DGKB: variants seen among roughly 807,000 people sequenced by gnomAD.
DGKB encodes the protein diacylglycerol kinase beta, also known as 90 kDa diacylglycerol kinase.
A neutral mutation model predicts 114.3 loss-of-function variants in DGKB; 67 were observed. The ratio of observed to expected loss-of-function variants is 0.59; its 90% CI spans 0.48 to 0.72. The LOEUF (loss-of-function observed/expected upper bound fraction) is 0.72, where lower values mean the gene tolerates loss of function less well. Among genes scored for constraint, DGKB ranks in the 30% least tolerant of loss-of-function variants. The pLI is 0.00. For synonymous variants in DGKB, 398 were observed against 323.1 expected (o/e 1.23, Z -2.49); for missense variants, 907 against 975.2 (o/e 0.93, Z 0.93).
intron 1 of DGKB, among the ~76,000 whole-genome samples, chr7:14,945,110 C>A (rs143639699): frequency 1.3e-5 from 2 of 151,340 alleles, no homozygotes; most frequent in African/African-American, 4.8e-5. Context: ...ATCAGAAGAA[C>A]GGAAAAATAA....
intron 21 of DGKB, among the ~76,000 whole-genome samples, chr7:14,438,627 A>G (rs1379587963): frequency 1.3e-5 from 2 of 152,142 alleles, no homozygotes; most frequent in Non-Finnish European, 2.9e-5. Flanking sequence ...TCAATGAACT[A>G]CATTTATGAG....
At chr7:14,194,952 T>C (rs1255549683) in intron 23 of DGKB, among the ~76,000 whole-genome samples, 2 of 151,738 alleles carry the variant, frequency 1.3e-5, no homozygotes, top group African/African-American at 2.4e-5. Context: ...TATAGTGTAC[T>C]TGAAAAGTCA....
intron 6 of DGKB, among the ~76,000 whole-genome samples, chr7:14,711,169 A>G (rs1169950999): frequency 6.6e-6 from 1 of 152,134 alleles, no homozygotes; most frequent in Admixed American, 6.5e-5. Flanking sequence ...AATATTTTAA[A>G]TAATTTATTC....
chr7:14,393,108 G>A (rs1821659179), intron 21 of DGKB, among the ~76,000 whole-genome samples: 1 of 150,744 alleles, frequency 6.6e-6, no homozygotes, highest in African/African-American at 2.4e-5. Flanking sequence ...TCCTGCCTCA[G>A]CCTCCCGCGT....
rs566892583 is a variant in DGKB, at chr7:14,549,339, T to C, written c.1770+24873A>G. 3.9e-5 allele frequency among the ~76,000 whole-genome samples: 6 copies of C among 152,288 alleles called. No homozygotes were observed. The East Asian group carries it at 1.2e-3, about 29-fold the overall frequency. On this transcript the variant is annotated intron_variant, in intron 20 of 25. Transcript: ENST00000402815. ...CTGAGAAACCAGTTTGCACTGGTTC[T>C]GCAAATGGTGAAGTGGTAACATAAA... is the stretch of plus-strand genomic sequence containing the variant.
At chr7:14,479,251 A>G (rs770864039) in intron 20 of DGKB, among the ~76,000 whole-genome samples, 7 of 152,184 alleles carry the variant, frequency 4.6e-5, no homozygotes, top group Non-Finnish European at 1.0e-4. Context: ...TCTTGAAAAC[A>G]CTAATCAAGG....
intron 1 of DGKB, among the ~76,000 whole-genome samples, chr7:14,910,835 A>C (rs1385082998): frequency 6.6e-6 from 1 of 152,184 alleles, no homozygotes; most frequent in African/African-American, 2.4e-5. Flanking sequence ...TAGTTGATTA[A>C]TCTATGTTTA....
intron 20 of DGKB, among the ~76,000 whole-genome samples, chr7:14,517,909 C>T (rs1447656083): frequency 5.3e-5 from 8 of 152,082 alleles, no homozygotes; most frequent in African/African-American, 1.9e-4. Flanking sequence ...TTGGCAATTT[C>T]TAAAAGAACT....
intron 21 of DGKB, among the ~76,000 whole-genome samples, chr7:14,419,067 G>C (rs1422785050): frequency 6.6e-6 from 1 of 151,840 alleles, no homozygotes; most frequent in African/African-American, 2.4e-5. Flanking sequence ...AGCAGAGAAA[G>C]GAGAATAATA....
intron 1 of DGKB, among the ~76,000 whole-genome samples, chr7:14,963,071 C>A (rs1432821266): frequency 6.6e-6 from 1 of 152,028 alleles, no homozygotes; most frequent in African/African-American, 2.4e-5. Flanking sequence ...GAAACATTGA[C>A]CAGACAGTTT....
At chr7:14,591,883 A>C (rs1360955293) in intron 17 of DGKB, among the ~76,000 whole-genome samples, 2 of 152,162 alleles carry the variant, frequency 1.3e-5, no homozygotes, top group Middle Eastern at 3.4e-3. Context: ...TTAGGTACAA[A>C]GCACACCAGG....
intron 13 of DGKB, among the ~76,000 whole-genome samples, chr7:14,643,924 C>T (rs1250676177): frequency 2.0e-5 from 3 of 152,150 alleles, no homozygotes; most frequent in Non-Finnish European, 2.9e-5. Flanking sequence ...CACCTTTGCA[C>T]ACCATTTAGG....
Position 14,148,700 on chromosome 7 carries a change from A to G in DGKB, c.*431T>C. ...TACACTGATTCTAAAAGGGAAACGT[A>G]TAGCAATCTGCAATTATGATCATTG... On this transcript the variant is annotated 3_prime_UTR_variant, in exon 26 of 26. Transcript: ENST00000402815. The G allele has an allele frequency of 4.7e-6, 1 of 210,594 alleles. No homozygotes were observed. Among genetic ancestry groups the G allele is most frequent in the Non-Finnish European group, 9.7e-6 (1 of 103,528 alleles). 13.0% of individuals were successfully genotyped at this position (210,594 alleles called of 1,614,324 possible). A position where few individuals can be genotyped will look rare whatever the true frequency, so the allele number is the denominator to read the frequency against.
intron 23 of DGKB, among the ~76,000 whole-genome samples, chr7:14,215,880 T>G (rs1788877936): frequency 6.6e-6 from 1 of 152,232 alleles, no homozygotes; most frequent in Admixed American, 6.5e-5. Flanking sequence ...AATTTATTTA[T>G]ACAATGTTAA....
intron 17 of DGKB, among the ~76,000 whole-genome samples, chr7:14,583,340 T>C (rs1303085235): frequency 6.6e-6 from 1 of 152,084 alleles, no homozygotes; most frequent in African/African-American, 2.4e-5. Flanking sequence ...ATTTTGTAAT[T>C]ACATATTCTA....
chr7:14,390,903 C>T (rs140758279), intron 21 of DGKB, among the ~76,000 whole-genome samples: 1 of 152,010 alleles, frequency 6.6e-6, no homozygotes, highest in Non-Finnish European at 1.5e-5. Flanking sequence ...TATATTAATG[C>T]CTAATATTGA....
chr7:14,161,836 T>A (rs973910553), intron 25 of DGKB, among the ~76,000 whole-genome samples: 2 of 152,168 alleles, frequency 1.3e-5, no homozygotes, highest in African/African-American at 4.8e-5. Context: ...AAAAAGTCTT[T>A]GAGTTTTTTA....
intron 20 of DGKB, among the ~76,000 whole-genome samples, chr7:14,485,383 C>A (rs899368963): frequency 6.6e-6 from 1 of 151,200 alleles, no homozygotes; most frequent in Non-Finnish European, 1.5e-5. Context: ...GCAATTTTGC[C>A]TGCTGTGAAT....
At chr7:14,344,019 T>C (rs1480325535) in intron 22 of DGKB, among the ~76,000 whole-genome samples, 1 of 148,150 alleles carries the variant, frequency 6.7e-6, no homozygotes, top group African/African-American at 2.5e-5. Flanking sequence ...ACTAAATATA[T>C]AACTGTAGTA....
Sources: gnomAD v4.1 joint callset for allele counts (sites outside exome capture counted in the v4.1 genomes callset) on GRCh38, gnomAD v4.1.1 for gene constraint, MANE v1.5 for transcripts, NCBI Gene and HGNC (gene_info 2026-07-23, HGNC 2026-07-21) for gene names.